The following RHD variants were observed in gnomAD, a reference collection of about 807,000 sequenced individuals.
RHD encodes the protein Rh blood group D antigen.
A neutral mutation model predicts 45.5 loss-of-function variants in RHD; 16 were observed. The ratio of observed to expected loss-of-function variants is 0.35; its 90% confidence interval spans 0.24 to 0.53. The LOEUF (loss-of-function observed/expected upper bound fraction) is 0.53, where lower values mean the gene tolerates loss of function less well. Among genes scored for constraint, RHD ranks in the 20% least tolerant of loss-of-function variants. The pLI is 0.92. For synonymous variants in RHD, 131 were observed against 217.5 expected, an observed-to-expected ratio of 0.60 and a Z score of 3.50; for missense variants, 306 against 532.0, an observed-to-expected ratio of 0.58 and a Z score of 4.18.
chr1:25,272,579 G>A lies in RHD; in HGVS notation c.32G>A (p.Arg11His), dbSNP rs1640573490. 6 of 1,583,378 alleles carry A rather than the reference G, an allele frequency of 3.8e-6. No homozygotes were observed. The highest frequency in any genetic ancestry group is 1.4e-5 in the African/African-American group (1 of 72,850). MSSKYPRSVR[R>H]CLPLWALTLE... ...TCTAAGTACCCGCGGTCTGTCCGGCGCTGCCTGCCCCTCTGGGCCCTAACA... is the reference window on the plus strand; with the variant it reads ...TCTAAGTACCCGCGGTCTGTCCGGCACTGCCTGCCCCTCTGGGCCCTAACA... The change falls in exon 1 of 10, where the codon CGC (arginine) becomes CAC (histidine). Residue 11 changes from arginine to histidine, a missense_variant. Physicochemically the swap from Arg to His is conservative, Grantham distance 29 (BLOSUM62 0). Transcript: ENST00000328664.
At chr1:25,288,224 C>G (rs570039177) in intron 2 of RHD, among the ~76,000 whole-genome samples, 2,777 of 131,808 alleles carry the variant, frequency 0.021, 429 homozygotes, top group African/African-American at 0.066. Context: ...CACTGTGTTG[C>G]TCAGGCTGGT....
rs187867841 is a variant in RHD, at chr1:25,274,156, T to C, written c.148+1461T>C. Among the ~76,000 whole-genome samples, 133 of 132,580 alleles carry C rather than the reference T, an allele frequency of 1.0e-3. 18 individuals are homozygous for C. The highest frequency in any genetic ancestry group is 3.3e-3 in the African/African-American group (127 of 38,930). The allele number at this position is 132,580 out of a possible 152,430, so 87.0% of individuals were successfully genotyped here. On this transcript the variant is annotated intron_variant, in intron 1 of 9. Transcript: ENST00000328664. ...GTACCAGGCACTATTCTACATGCTT[T>C]ACATTGAACCCTCACAATAACCCAA... is the stretch of plus-strand genomic sequence containing the variant.
chr1:25,299,964 G>A (rs1643259373), intron 3 of RHD, among the ~76,000 whole-genome samples: 1 of 130,462 alleles, frequency 7.7e-6, no homozygotes, highest in Non-Finnish European at 1.8e-5. Context: ...TGGCCAGGCT[G>A]GTATCGAACT....
Position 25,305,583 on chromosome 1 carries a change from TTTGTTGTTGTTG to T in RHD, c.940-988_940-977del, listed in dbSNP as rs200713124. 3.5e-4 allele frequency among the ~76,000 whole-genome samples: 42 copies of T among 118,922 alleles called. 6 individuals are homozygous for T. In the South Asian group the frequency reaches 4.4e-3, roughly 12 times the overall value. The allele number at this position is 118,922 out of a possible 152,430, so 78.0% of individuals were successfully genotyped here. Reference sequence around the variant, plus strand: ...GGCTAATTTTCGTGTGTGTATGTATTTTGTTGTTGTTGTTGTTGTTGTTGTTGTTGTTGTTGA... The same window carrying T: ...GGCTAATTTTCGTGTGTGTATGTATTTTGTTGTTGTTGTTGTTGTTGTTGA... On this transcript the variant is annotated intron_variant, in intron 6 of 9. Coordinates refer to ENST00000328664, the MANE Select transcript of RHD (RefSeq NM_016124.6).
At position 25,282,496 on chromosome 1, in the gene RHD, T is replaced by C. The variant is rs371463835; in HGVS notation, c.149-2077T>C. On this transcript the variant is annotated intron_variant, in intron 1 of 9. Coordinates refer to ENST00000328664, the MANE Select transcript of RHD (RefSeq NM_016124.6). ...GATCTGCCCACCTCATCCTCCTAAA[T>C]TGGTATCTTTATATGTCCAAAAGAG... 2.6e-4 allele frequency among the ~76,000 whole-genome samples: 34 copies of C among 132,124 alleles called. 2 individuals carry two copies. In the East Asian group the frequency reaches 5.7e-3, roughly 22 times the overall value. 86.7% of individuals were successfully genotyped at this position (132,124 alleles called of 152,430 possible).
Position 25,300,546 on chromosome 1 carries a change from A to C in RHD, c.487-400A>C, listed in dbSNP as rs1442971817. ...AAAAAAAGGCCAGGCGCAGTGGCTCATGCCTGTAATCCCAGCACTTTGGGA... is the reference window on the plus strand; with the variant it reads ...AAAAAAAGGCCAGGCGCAGTGGCTCCTGCCTGTAATCCCAGCACTTTGGGA... On this transcript the variant is annotated intron_variant, in intron 3 of 9. Coordinates refer to ENST00000328664, the MANE Select transcript of RHD (RefSeq NM_016124.6). Among the ~76,000 whole-genome samples, 2 of 127,644 alleles carry C rather than the reference A, an allele frequency of 1.6e-5. 1 individual carries two copies. The highest frequency in any genetic ancestry group is 3.9e-4 in the East Asian group (2 of 5,068). The allele number at this position is 127,644 out of a possible 152,430, so 83.7% of individuals were successfully genotyped here. A position where few individuals can be genotyped will look rare whatever the true frequency, so the allele number is the denominator to read the frequency against.
intron 5 of RHD, among the ~76,000 whole-genome samples, chr1:25,303,045 G>A (rs1209524632): frequency 7.6e-6 from 1 of 131,510 alleles, no homozygotes; most frequent in Non-Finnish European, 1.8e-5. Context: ...TGTGATGGGT[G>A]CCTAGGATGC....
rs549692118 is a variant in RHD, at chr1:25,315,381, G to A, written c.1074-1619G>A. Among the ~76,000 whole-genome samples the A allele has an allele frequency of 1.2e-4, 16 of 130,364 alleles. 5 individuals are homozygous for A. The highest frequency in any genetic ancestry group is 2.2e-4 in the Admixed American group (3 of 13,416). 85.5% of individuals were successfully genotyped at this position (130,364 alleles called of 152,430 possible). A position where few individuals can be genotyped will look rare whatever the true frequency, so the allele number is the denominator to read the frequency against. On this transcript the variant is annotated intron_variant, in intron 7 of 9. Transcript: ENST00000328664. ...GATGAGGGCCTGGAGCTTGCCACACGGAAGGGGGGATGGCTGCCTGAATGG... is the reference window on the plus strand; with the variant it reads ...GATGAGGGCCTGGAGCTTGCCACACAGAAGGGGGGATGGCTGCCTGAATGG...
Position 25,279,382 on chromosome 1 carries a change from C to T in RHD, c.149-5191C>T, listed in dbSNP as rs1362368043. Among the ~76,000 whole-genome samples the T allele has an allele frequency of 2.2e-4, 26 of 119,718 alleles. 5 individuals are homozygous for T. The highest frequency in any genetic ancestry group is 3.5e-4 in the Non-Finnish European group (18 of 51,116). The allele number at this position is 119,718 out of a possible 152,430, so 78.5% of individuals were successfully genotyped here. ...AGGAAGCTGGGACACAGAGGAAGAG[C>T]CAGGCTCTGAACACTGACAACCTGA... On this transcript the variant is annotated intron_variant, in intron 1 of 9. Transcript: ENST00000328664.
rs1445889407 is a variant in RHD at position 25,314,088 on chromosome 1, G to A, written c.1074-2912G>A. ...TTTTGGAGCACACGAATGCACTTCT[G>A]TTGATTATATGCCTAGAAGTGAAAT... On this transcript the variant is annotated intron_variant, in intron 7 of 9. Coordinates refer to ENST00000328664, the MANE Select transcript of RHD (RefSeq NM_016124.6). Among the ~76,000 whole-genome samples the A allele has an allele frequency of 9.0e-5, 12 of 132,742 alleles. 3 individuals are homozygous for A. The highest frequency in any genetic ancestry group is 5.4e-5 in the Non-Finnish European group (3 of 56,004). The allele number at this position is 132,742 out of a possible 152,430, so 87.1% of individuals were successfully genotyped here. A position where few individuals can be genotyped will look rare whatever the true frequency, so the allele number is the denominator to read the frequency against.
chr1:25,310,246 G>A (rs1470168470), intron 7 of RHD, among the ~76,000 whole-genome samples: 1 of 133,358 alleles, frequency 7.5e-6, no homozygotes, highest in Non-Finnish European at 1.8e-5. Flanking sequence ...TTCATATGTT[G>A]ATGGTTTTTG....
At position 25,272,512 on chromosome 1, in the gene RHD, G is replaced by C. The variant is rs1640562726; in HGVS notation, c.-36G>C. 3 of 1,558,906 alleles carry C rather than the reference G, an allele frequency of 1.9e-6. No individual in the cohort carries two copies. The highest frequency in any genetic ancestry group is 2.6e-6 in the Non-Finnish European group (3 of 1,141,198). ...GTGTTGGAGAGAGGGGTGATGCCTG[G>C]TGCTGGTGGAACCCCTGCACAGAGA... On this transcript the variant is annotated 5_prime_UTR_variant, in exon 1 of 10. Transcript: ENST00000328664.
At chr1:25,304,630 G>C (rs1450244956) in intron 6 of RHD, 3 of 130,502 alleles carry the variant, frequency 2.3e-5, no homozygotes, top group Admixed American at 7.4e-5. Context: ...ATACAGAGTG[G>C]AATATTATTT....
chr1:25,287,670 C>T (rs544111698), intron 2 of RHD, among the ~76,000 whole-genome samples: 1 of 135,382 alleles, frequency 7.4e-6, no homozygotes, highest in Non-Finnish European at 1.8e-5. Flanking sequence ...TAGCAAATGG[C>T]TATTGGAGCA....
Position 25,290,667 on chromosome 1 carries a change from T to C in RHD, c.362T>C (p.Leu121Ser), listed in dbSNP as rs1642418051. The change falls in exon 3 of 10, where the codon TTG (leucine) becomes TCG (serine). Residue 121 changes from leucine to serine, a missense_variant. Leu to Ser is a moderately radical substitution (Grantham distance 145). Transcript: ENST00000328664. The stretch of plus-strand genomic sequence containing the variant: ...ATTCGGCTGGCCACCATGAGTGCTT[T>C]GTCGGTGCTGATCTCAGTGGATGCT... ...FSIRLATMSALSVLISVDAVL... is the reference protein window; with the variant it reads ...FSIRLATMSASSVLISVDAVL... 7.3e-7 allele frequency: 1 copy of C among 1,378,594 alleles called. No individual in the cohort carries two copies. Among genetic ancestry groups the C allele is most frequent in the East Asian group, 2.2e-5 (1 of 44,652 alleles). The allele number at this position is 1,378,594 out of a possible 1,614,324, so 85.4% of individuals were successfully genotyped here. A position where few individuals can be genotyped will look rare whatever the true frequency, so the allele number is the denominator to read the frequency against.
At chr1:25,295,850 A>G (rs28451966) in intron 3 of RHD, among the ~76,000 whole-genome samples, 72,147 of 81,334 alleles carry the variant, frequency 0.89, 33,213 homozygotes, top group South Asian at 0.98. Flanking sequence ...AATATGGGAA[A>G]TTTTTTTTTT....
intron 6 of RHD, among the ~76,000 whole-genome samples, chr1:25,305,374 ATATTTATTTATTTATTTATT>A (rs34347122): frequency 1.9e-5 from 2 of 106,798 alleles, no homozygotes; most frequent in Non-Finnish European, 2.2e-5. Context: ...AGGAGTCTGG[ATATTTATTTATTTATTTATT>A]TATTTATTTA....
intron 3 of RHD, among the ~76,000 whole-genome samples, chr1:25,296,030 C>T: frequency 8.7e-6 from 1 of 115,396 alleles, no homozygotes. Context: ...GCCTGGCTTA[C>T]TTTTGTATTT....
chr1:25,291,261 G>C lies in RHD; in HGVS notation c.486+470G>C, dbSNP rs1456167050. ...AGGAGGGCAGATCACCTGAGGTCAG[G>C]AGTTCAAGACCAGCCTGGTCAACAT... On this transcript the variant is annotated intron_variant, in intron 3 of 9. Coordinates refer to ENST00000328664, the MANE Select transcript of RHD (RefSeq NM_016124.6). 1.5e-5 allele frequency among the ~76,000 whole-genome samples: 2 copies of C among 130,662 alleles called. 1 individual carries two copies. Among genetic ancestry groups the C allele is most frequent in the Non-Finnish European group, 3.6e-5 (2 of 55,292 alleles). 85.7% of individuals were successfully genotyped at this position (130,662 alleles called of 152,430 possible). A position where few individuals can be genotyped will look rare whatever the true frequency, so the allele number is the denominator to read the frequency against.
Sources: gnomAD v4.1 joint callset for allele counts (sites outside exome capture counted in the v4.1 genomes callset) on GRCh38, gnomAD v4.1.1 for gene constraint, MANE v1.5 for transcripts, NCBI Gene and HGNC (gene_info 2026-07-23, HGNC 2026-07-21) for gene names.